Variants in SGSM3 observed in about 807,000 individuals in gnomAD.
SGSM3 encodes the protein RUN and SH3 containing 3.
Under a neutral mutation model 100.5 loss-of-function variants are expected in SGSM3, and 96 were observed. That is an observed-to-expected ratio of 0.96 (90% CI 0.81 to 1.13). The LOEUF (loss-of-function observed/expected upper bound fraction) is 1.13. SGSM3 is among the 50% of genes most tolerant of loss of function. SGSM3 has a pLI of 0.00. For missense variants in SGSM3, 1,001 were observed against 1,015.8 expected (o/e 0.99, Z 0.20); for synonymous variants, 483 against 422.8 (o/e 1.14, Z -1.75).
At chr22:40,386,123 A>G (rs995669738) in intron 1 of SGSM3, among the ~76,000 whole-genome samples, 3 of 150,562 alleles carry the variant, frequency 2.0e-5, no homozygotes, top group Admixed American at 6.6e-5. Flanking sequence ...CAAGCAATCC[A>G]TCTGCCTTGG....
chr22:40,387,372 T>C (rs2048646925), intron 1 of SGSM3: 2 of 392,778 alleles, frequency 5.1e-6, no homozygotes, highest in Middle Eastern at 6.4e-4. Flanking sequence ...CCGGTAATTA[T>C]ATAGATGGTA....
At chr22:40,372,635 A>G (rs912258634) in intron 1 of SGSM3, 2 of 152,352 alleles carry the variant, frequency 1.3e-5, no homozygotes, top group Admixed American at 1.3e-4. Context: ...GTAGAACCTC[A>G]CAGAAATGAA....
At position 40,386,810 on chromosome 22, in the gene SGSM3, C is replaced by T. The variant is rs541542256; in HGVS notation, c.-111-13886C>T. Among the ~76,000 whole-genome samples the T allele has an allele frequency of 2.0e-5, 3 of 152,064 alleles. No homozygotes were observed. The East Asian group carries it at 5.8e-4, about 29-fold the overall frequency. The stretch of plus-strand genomic sequence containing the variant: ...CATGACTTTGTGTGAGTCCCTTTGC[C>T]CTGCACCCCAGTACTAAAGAAGTTA... On this transcript the variant is annotated intron_variant, in intron 1 of 21. Transcript: ENST00000248929.
rs1293196172 is a variant in SGSM3, at chr22:40,406,505, A to G, written c.1028A>G (p.Gln343Arg). ...AACACGCTATCGGATATCCCGTCGC[A>G]GATGGAGGACGCGGAGCTGCTTCTG... ...IFNTLSDIPSQMEDAELLLGV... is the reference protein window; with the variant it reads ...IFNTLSDIPSRMEDAELLLGV... The change falls in exon 10 of 22, where the codon CAG becomes CGG. Residue 343 changes from glutamine to arginine, a missense_variant. Gln to Arg is a conservative substitution (Grantham distance 43). Transcript: ENST00000248929. 7 of 1,612,088 alleles carry G rather than the reference A, an allele frequency of 4.3e-6. No homozygotes were observed. Among genetic ancestry groups the G allele is most frequent in the African/African-American group, 1.3e-5 (1 of 74,922 alleles).
intron 1 of SGSM3, among the ~76,000 whole-genome samples, chr22:40,389,900 G>C (rs1401364348): frequency 7.8e-6 from 1 of 127,944 alleles, no homozygotes; most frequent in Non-Finnish European, 1.6e-5. Context: ...GGGAAACTCC[G>C]TCTCAAAAAA....
At chr22:40,404,743 T>C (rs1602065419) in intron 6 of SGSM3, 79 bp downstream of exon 6, 2 of 1,004,624 alleles carry the variant, frequency 2.0e-6, no homozygotes, top group East Asian at 2.6e-5. Flanking sequence ...CTGGGGTTCT[T>C]AGAGTGTGCC....
intron 1 of SGSM3, among the ~76,000 whole-genome samples, chr22:40,397,501 G>A (rs1346760099): frequency 6.6e-6 from 1 of 152,138 alleles, no homozygotes; most frequent in Admixed American, 6.5e-5. Context: ...TAATCCAACA[G>A]CCTCCTCTAT....
intron 6 of SGSM3, 67 bp from the exon 7 acceptor site, chr22:40,405,074 G>C: frequency 6.9e-7 from 1 of 1,448,104 alleles, no homozygotes; most frequent in Non-Finnish European, 9.1e-7. Flanking sequence ...AAGCCCGCCT[G>C]GGGTCTGCCT....
chr22:40,373,165 C>T (rs1463728881), intron 1 of SGSM3, among the ~76,000 whole-genome samples: 1 of 152,200 alleles, frequency 6.6e-6, no homozygotes, highest in Non-Finnish European at 1.5e-5. Context: ...TCACAGGTCA[C>T]TGTAAGTGAC....
chr22:40,374,497 G>T (rs1239678562), intron 1 of SGSM3, among the ~76,000 whole-genome samples: 1 of 152,178 alleles, frequency 6.6e-6, no homozygotes, highest in East Asian at 1.9e-4. Flanking sequence ...TGTAATACTT[G>T]CCTGCAATGT....
In SGSM3 at chr22:40,408,795, T is replaced by C; in HGVS notation, c.1855T>C (p.Leu619=). 2 of 1,613,356 alleles carry C rather than the reference T, an allele frequency of 1.2e-6. No homozygotes were observed. The highest frequency in any genetic ancestry group is 2.2e-5 in the South Asian group (2 of 91,060). The part of the protein sequence containing the change: ...SRLVLCKTFR[L]DEDGKVLTPE... ...CCAGGAGCTTTGGTGTCCCCTCAGG[T>C]TGGATGAAGATGGCAAAGTCCTGAC... Residue 619 remains leucine, a splice_region_variant and synonymous_variant, in exon 18 of 22, where the codon TTG becomes CTG. Coordinates refer to ENST00000248929, the MANE Select transcript of SGSM3 (RefSeq NM_015705.6).
intron 1 of SGSM3, among the ~76,000 whole-genome samples, chr22:40,384,760 GACAGAGCAAGACTCCACCTCA>G (rs2048164527): frequency 1.3e-5 from 2 of 152,088 alleles, no homozygotes; most frequent in Admixed American, 1.3e-4. Flanking sequence ...CAGCCTGGGC[GACAGAGCAAGACTCCACCTCA>G]AAAAAAAAGA....
intron 4 of SGSM3, among the ~76,000 whole-genome samples, chr22:40,403,851 T>C (rs1174616714): frequency 6.6e-6 from 1 of 152,116 alleles, no homozygotes; most frequent in African/African-American, 2.4e-5. Context: ...GGACCATGGC[T>C]TGGACAAGGG....
intron 21 of SGSM3, 58 bp from the exon 22 acceptor site, chr22:40,409,617 CAGCGGTT>C (rs780216051): frequency 8.2e-5 from 133 of 1,613,146 alleles, no homozygotes; most frequent in Middle Eastern, 1.6e-4. Flanking sequence ...GTGCTGGTGT[CAGCGGTT>C]AGGAACTACC....
intron 15 of SGSM3, 70 bp from the exon 16 acceptor site, chr22:40,408,207 G>A: frequency 2.5e-6 from 4 of 1,607,018 alleles, no homozygotes; most frequent in Non-Finnish European, 3.4e-6. Flanking sequence ...TAGCATGGCA[G>A]AGAGGACAGA....
intron 1 of SGSM3, 77 bp downstream of exon 1, chr22:40,370,765 G>C (rs1441216771): frequency 6.6e-6 from 1 of 152,404 alleles, no homozygotes; most frequent in Non-Finnish European, 1.5e-5. Context: ...CGGGGCGGCT[G>C]TGGTCGGACT....
intron 1 of SGSM3, among the ~76,000 whole-genome samples, chr22:40,374,302 G>A (rs1389586660): frequency 6.6e-6 from 1 of 152,180 alleles, no homozygotes. Flanking sequence ...ACTTTATTGT[G>A]AAGATGTCAC....
At chr22:40,374,825 C>T (rs2046283392) in intron 1 of SGSM3, among the ~76,000 whole-genome samples, 1 of 152,154 alleles carries the variant, frequency 6.6e-6, no homozygotes, top group African/African-American at 2.4e-5. Context: ...GTCGAAGTTG[C>T]AGCCAGCCAT....
At position 40,408,367 on chromosome 22, in the gene SGSM3, C is replaced by T; in HGVS notation, c.1720C>T (p.His574Tyr). The change falls in exon 16 of 22, where the codon CAT becomes TAT. Residue 574 changes from histidine to tyrosine, a missense_variant. His to Tyr is a moderately conservative substitution (Grantham distance 83). Coordinates refer to ENST00000248929, the MANE Select transcript of SGSM3 (RefSeq NM_015705.6). ...LCPALKALFE[H>Y]GLKKPSLLGG... ...CCCGGCCCTTAAGGCCCTGTTCGAA[C>T]ATGGACTGAAGAAGCCATCCCTGCT... 1 of 1,613,626 alleles carries T rather than the reference C, an allele frequency of 6.2e-7. No homozygotes were observed. The highest frequency in any genetic ancestry group is 2.2e-5 in the East Asian group (1 of 44,874).
Sources: allele counts gnomAD v4.1 joint callset (sites outside exome capture counted in the v4.1 genomes callset), GRCh38; gene constraint gnomAD v4.1.1; transcripts MANE v1.5; gene names NCBI Gene and HGNC (gene_info 2026-07-23, HGNC 2026-07-21).